The following TTLL11 variants were observed in gnomAD, a reference collection of about 807,000 sequenced individuals.
The protein encoded by TTLL11 is tubulin polyglutamylase TTLL11.
TTLL11 carries 42 observed loss-of-function variants against 51.7 expected under a neutral mutation model. That is an observed-to-expected ratio of 0.81 (90% CI 0.64 to 1.05). The LOEUF is 1.05. Ranked by LOEUF, TTLL11 falls within the 50% of genes least tolerant of loss-of-function variation. The pLI is 0.00. For synonymous variants in TTLL11, 381 were observed against 383.5 expected (o/e 0.99, Z 0.08); for missense variants, 799 against 940.4 (o/e 0.85, Z 1.97).
At chr9:121,936,020 A>C (rs1233871470) in intron 6 of TTLL11, among the ~76,000 whole-genome samples, 1 of 152,150 alleles carries the variant, frequency 6.6e-6, no homozygotes, top group African/African-American at 2.4e-5. Flanking sequence ...ACTGGCTGAA[A>C]CTGAGCTATT....
intron 1 of TTLL11, among the ~76,000 whole-genome samples, chr9:122,084,499 C>T (rs1192451942): frequency 6.6e-6 from 1 of 152,152 alleles, no homozygotes; most frequent in Non-Finnish European, 1.5e-5. Flanking sequence ...AAAACAATAA[C>T]CTCTGTGGAG....
chr9:121,835,779 G>C lies in TTLL11; in HGVS notation c.1841-12900C>G, dbSNP rs142825948. On this transcript the variant is annotated intron_variant, in intron 8 of 8. Transcript: ENST00000321582. ...GTCACCCCTGATTCCATCATGACAC[G>C]AACACAAGTTCCTGAGTCACCATCT... Among the ~76,000 whole-genome samples, 120 of 152,266 alleles carry C rather than the reference G, an allele frequency of 7.9e-4. 2 individuals are homozygous for C. The East Asian group carries it at 0.019, about 24-fold the overall frequency.
chr9:122,089,317 G>A (rs947282170), intron 1 of TTLL11, among the ~76,000 whole-genome samples: 2 of 152,130 alleles, frequency 1.3e-5, no homozygotes, highest in Admixed American at 6.5e-5. Flanking sequence ...TTGCACCACA[G>A]CCCCCAGTAG....
At position 121,817,185 on chromosome 9, in the gene TTLL11, A is replaced by C. The variant is rs988603956; in HGVS notation, c.*5402T>G. 6.6e-6 allele frequency: 1 copy of C among 152,126 alleles called. No individual in the cohort carries two copies. The allele number at this position is 152,126 out of a possible 1,614,324, so 9.4% of individuals were successfully genotyped here. A position where few individuals can be genotyped will look rare whatever the true frequency, so the allele number is the denominator to read the frequency against. The stretch of plus-strand genomic sequence containing the variant: ...TGGGGAAAAAATTAAGCTATTCTGG[A>C]GGGACACTCTGCCAATCACAAGGCA... On this transcript the variant is annotated 3_prime_UTR_variant, in exon 9 of 9. Transcript: ENST00000321582.
intron 3 of TTLL11, among the ~76,000 whole-genome samples, chr9:122,016,527 T>C (rs1843987055): frequency 6.6e-6 from 1 of 152,324 alleles, no homozygotes; most frequent in South Asian, 2.1e-4. Flanking sequence ...CACTGCAAGT[T>C]TTCTTTCTGC....
chr9:122,037,632 A>G (rs1272665490), intron 2 of TTLL11, among the ~76,000 whole-genome samples: 1 of 152,170 alleles, frequency 6.6e-6, no homozygotes, highest in Non-Finnish European at 1.5e-5. Flanking sequence ...TCTAAAAGAT[A>G]CTGGATTCTG....
intron 6 of TTLL11, among the ~76,000 whole-genome samples, chr9:121,952,252 C>CT (rs1841873343): frequency 2.6e-5 from 4 of 152,070 alleles, no homozygotes; most frequent in African/African-American, 9.7e-5. Context: ...CGAGACCATC[C>CT]TGGCTAACAC....
At chr9:121,988,882 G>A (rs930756418) in intron 4 of TTLL11, 15 of 498,362 alleles carry the variant, frequency 3.0e-5, no homozygotes, top group African/African-American at 2.9e-4. Context: ...ATGAATGAAT[G>A]AGTAAACGAA....
chr9:121,899,395 A>ATATATATATATATATG (rs1839683816), intron 6 of TTLL11, among the ~76,000 whole-genome samples: 1 of 127,626 alleles, frequency 7.8e-6, no homozygotes, highest in African/African-American at 2.7e-5. Flanking sequence ...ATATATATAT[A>ATATATATATATATATG]TATATATACA....
At chr9:121,953,496 G>A (rs1050121163) in intron 6 of TTLL11, among the ~76,000 whole-genome samples, 2 of 152,022 alleles carry the variant, frequency 1.3e-5, no homozygotes, top group South Asian at 4.2e-4. Context: ...GCCAGGCATG[G>A]TGGCGTGTGC....
Position 121,817,548 on chromosome 9 carries a change from G to A in TTLL11, c.*5039C>T, listed in dbSNP as rs1315442075. On this transcript the variant is annotated 3_prime_UTR_variant, in exon 9 of 9. Coordinates refer to ENST00000321582, the MANE Select transcript of TTLL11 (RefSeq NM_001139442.2). ...GACTTGCCACTCTCACTAAGTGGCT[G>A]GGAGACCTGGAGCCCTTCCTGGGGT... 1.3e-5 allele frequency: 2 copies of A among 152,384 alleles called. No individual in the cohort carries two copies. The highest frequency in any genetic ancestry group is 6.8e-3 in the Middle Eastern group (2 of 294). The allele number at this position is 152,384 out of a possible 1,614,324, so 9.4% of individuals were successfully genotyped here.
At chr9:122,001,362 T>C (rs1019083128) in intron 3 of TTLL11, among the ~76,000 whole-genome samples, 1 of 152,044 alleles carries the variant, frequency 6.6e-6, no homozygotes, top group Non-Finnish European at 1.5e-5. Flanking sequence ...TTCCAAAGTG[T>C]TGGGATTACA....
chr9:121,828,173 C>CTT (rs10708592), intron 8 of TTLL11, among the ~76,000 whole-genome samples: 126 of 137,318 alleles, frequency 9.2e-4, no homozygotes, highest in East Asian at 5.4e-3. Flanking sequence ...ACACATTGAA[C>CTT]TTTTTTTTTT....
chr9:121,846,770 G>T (rs1469254358), intron 8 of TTLL11, among the ~76,000 whole-genome samples: 1 of 152,138 alleles, frequency 6.6e-6, no homozygotes, highest in Non-Finnish European at 1.5e-5. Flanking sequence ...AAATTTGTGG[G>T]ATCCAGTGAT....
chr9:121,838,634 G>A (rs373203154), intron 8 of TTLL11, among the ~76,000 whole-genome samples: 6 of 152,290 alleles, frequency 3.9e-5, no homozygotes, highest in East Asian at 1.9e-4. Flanking sequence ...CACAAGAATC[G>A]CTTGAACCCA....
intron 8 of TTLL11, among the ~76,000 whole-genome samples, chr9:121,830,125 T>G (rs150270996): frequency 6.6e-6 from 1 of 152,228 alleles, no homozygotes; most frequent in Non-Finnish European, 1.5e-5. Context: ...AACAGTCGTG[T>G]GATGCAGGTG....
At chr9:121,949,388 C>A (rs1216704784) in intron 6 of TTLL11, among the ~76,000 whole-genome samples, 1 of 152,176 alleles carries the variant, frequency 6.6e-6, no homozygotes, top group East Asian at 1.9e-4. Flanking sequence ...CTAAGACAAA[C>A]TCGTTGTCTT....
intron 3 of TTLL11, among the ~76,000 whole-genome samples, chr9:121,991,286 A>C (rs1376619994): frequency 6.6e-6 from 1 of 152,216 alleles, no homozygotes; most frequent in Admixed American, 6.5e-5. Context: ...CTGGGCTTGT[A>C]AAAGATCTTT....
chr9:122,086,534 T>C (rs918832099), intron 1 of TTLL11, among the ~76,000 whole-genome samples: 2 of 152,198 alleles, frequency 1.3e-5, no homozygotes, highest in Non-Finnish European at 2.9e-5. Context: ...ATACTCTACC[T>C]TCTTCCAGAA....
Sources: gnomAD v4.1 joint callset for allele counts (sites outside exome capture counted in the v4.1 genomes callset) on GRCh38, gnomAD v4.1.1 for gene constraint, MANE v1.5 for transcripts, NCBI Gene and HGNC (gene_info 2026-07-23, HGNC 2026-07-21) for gene names.